The following CCDC68 variants were observed in gnomAD, a reference collection of about 807,000 sequenced individuals.
CCDC68 encodes the protein coiled-coil domain-containing protein 68.
CCDC68 carries 45 observed loss-of-function variants against 47.1 expected under a neutral mutation model. The observed-to-expected ratio is 0.96, with a 90% CI of 0.75 to 1.23. The LOEUF is 1.23. Ranked by LOEUF, CCDC68 falls within the 50% of genes most tolerant of loss-of-function variation. The pLI, the probability that CCDC68 is intolerant of heterozygous loss-of-function variation, is 0.00. For synonymous variants in CCDC68, 131 were observed against 129.5 expected (o/e 1.01, Z -0.08); for missense variants, 353 against 373.6 (o/e 0.94, Z 0.45).
intron 10 of CCDC68, among the ~76,000 whole-genome samples, chr18:54,911,173 G>A (rs1333087706): frequency 1.3e-5 from 2 of 151,996 alleles, no homozygotes; most frequent in African/African-American, 2.4e-5. Flanking sequence ...TCAGCCTCCC[G>A]AGTAGCTAGG....
intron 11 of CCDC68, among the ~76,000 whole-genome samples, chr18:54,906,646 T>C (rs1489242816): frequency 1.3e-5 from 2 of 152,196 alleles, no homozygotes; most frequent in Non-Finnish European, 2.9e-5. Flanking sequence ...CCTTAGAATG[T>C]CACGCTTGCC....
At chr18:54,918,610 T>C (rs1401099891) in intron 9 of CCDC68, among the ~76,000 whole-genome samples, 2 of 152,236 alleles carry the variant, frequency 1.3e-5, no homozygotes, top group Non-Finnish European at 2.9e-5. Flanking sequence ...CTCAATTCTC[T>C]GGCCTTTTAG....
At chr18:54,926,184 C>G (rs982627153) in intron 8 of CCDC68, among the ~76,000 whole-genome samples, 5 of 152,172 alleles carry the variant, frequency 3.3e-5, no homozygotes, top group Admixed American at 3.3e-4. Flanking sequence ...CTGTATTAGT[C>G]TGTTCTCATG....
At position 54,931,580 on chromosome 18, in the gene CCDC68, A is replaced by G. The variant is rs143625824; in HGVS notation, c.601-2698T>C. On this transcript the variant is annotated intron_variant, in intron 7 of 11. Coordinates refer to ENST00000591504, the MANE Select transcript of CCDC68 (RefSeq NM_025214.3). ...TTTCTGGTTCATGCTGTCCTCATTT[A>G]TAAAATGATGATGAGGAACTAGGTG... Among the ~76,000 whole-genome samples, 36 of 152,348 alleles carry G rather than the reference A, an allele frequency of 2.4e-4. No individual in the cohort carries two copies. The South Asian group carries it at 6.0e-3, about 25-fold the overall frequency.
intron 8 of CCDC68, among the ~76,000 whole-genome samples, chr18:54,925,225 G>T (rs1356541509): frequency 2.0e-5 from 3 of 152,086 alleles, no homozygotes; most frequent in Admixed American, 6.5e-5. Flanking sequence ...GCCTAATTTT[G>T]TAAATGTAAC....
chr18:54,928,475 G>A (rs1016250839), intron 8 of CCDC68, among the ~76,000 whole-genome samples: 36 of 152,082 alleles, frequency 2.4e-4, no homozygotes, highest in South Asian at 2.1e-4. Flanking sequence ...TCTCTCAAGC[G>A]TCCTCCTTAG....
chr18:54,954,107 G>C (rs1192413840), intron 1 of CCDC68, among the ~76,000 whole-genome samples: 1 of 149,264 alleles, frequency 6.7e-6, no homozygotes, highest in Non-Finnish European at 1.5e-5. Flanking sequence ...CCAGGGTGGA[G>C]TGCAGTGGCT....
chr18:54,915,242 G>A (rs1435584212), intron 10 of CCDC68, among the ~76,000 whole-genome samples: 2 of 152,208 alleles, frequency 1.3e-5, no homozygotes, highest in Non-Finnish European at 2.9e-5. Context: ...AGAATAAAGA[G>A]GCATTTCAAA....
chr18:54,956,153 G>C (rs11873143), intron 1 of CCDC68, among the ~76,000 whole-genome samples: 49,665 of 151,846 alleles, frequency 0.33, 9,959 homozygotes, highest in African/African-American at 0.57. Flanking sequence ...CCACGCCCAG[G>C]TGATTTTTGT....
intron 8 of CCDC68, among the ~76,000 whole-genome samples, chr18:54,921,509 A>G (rs2044060010): frequency 6.6e-6 from 1 of 152,232 alleles, no homozygotes; most frequent in Non-Finnish European, 1.5e-5. Flanking sequence ...AATGTTTGGG[A>G]GTACAGCCAC....
At chr18:54,940,937 C>G in intron 4 of CCDC68, 60 bp downstream of exon 4, 1 of 1,276,438 alleles carries the variant, frequency 7.8e-7, no homozygotes. Context: ...AGTAATTGCC[C>G]AAAAATTACT....
intron 1 of CCDC68, among the ~76,000 whole-genome samples, chr18:54,953,520 AC>A (rs1244640763): frequency 2.6e-5 from 3 of 114,644 alleles, no homozygotes; most frequent in African/African-American, 8.4e-5. Flanking sequence ...ATACACACAC[AC>A]ACACACACAC....
At position 54,942,801 on chromosome 18, in the gene CCDC68, T is replaced by C; in HGVS notation, c.-10A>G. ...CTGTCACTGTTGTCATTGTGAATTC[T>C]GGCTTTAGGAAAACATAAATCAGCT... On this transcript the variant is annotated splice_region_variant and 5_prime_UTR_variant, in exon 3 of 12. Coordinates refer to ENST00000591504, the MANE Select transcript of CCDC68 (RefSeq NM_025214.3). 6.5e-7 allele frequency: 1 copy of C among 1,530,568 alleles called. No individual in the cohort carries two copies. Among genetic ancestry groups the C allele is most frequent in the Non-Finnish European group, 9.0e-7 (1 of 1,105,290 alleles). 94.8% of individuals were successfully genotyped at this position (1,530,568 alleles called of 1,614,324 possible). A position where few individuals can be genotyped will look rare whatever the true frequency, so the allele number is the denominator to read the frequency against.
At chr18:54,926,366 C>A (rs542865288) in intron 8 of CCDC68, among the ~76,000 whole-genome samples, 2 of 152,262 alleles carry the variant, frequency 1.3e-5, no homozygotes, top group Non-Finnish European at 2.9e-5. Context: ...AGGAGAAGTG[C>A]AAAGCAAAAG....
At chr18:54,938,928 A>G (rs1225614846) in intron 4 of CCDC68, among the ~76,000 whole-genome samples, 4 of 152,244 alleles carry the variant, frequency 2.6e-5, no homozygotes, top group Non-Finnish European at 5.9e-5. Flanking sequence ...TTTTATGTAC[A>G]GTCCTTTGTC....
rs537176569 is a variant in CCDC68 at position 54,922,844 on chromosome 18, C to T, written c.684-3468G>A. Among the ~76,000 whole-genome samples the T allele has an allele frequency of 5.7e-4, 87 of 151,904 alleles. 1 individual carries two copies. Among genetic ancestry groups the T allele is most frequent in the African/African-American group, 1.8e-3 (75 of 41,434 alleles). ...CACTACTAAAAATACAAAAATTAGCCGGGCATGGTGGCATGCGCCTGTAAT... is the reference window on the plus strand; with the variant it reads ...CACTACTAAAAATACAAAAATTAGCTGGGCATGGTGGCATGCGCCTGTAAT... On this transcript the variant is annotated intron_variant, in intron 8 of 11. Transcript: ENST00000591504.
chr18:54,952,062 T>A (rs1429883064), intron 1 of CCDC68, among the ~76,000 whole-genome samples: 1 of 152,252 alleles, frequency 6.6e-6, no homozygotes, highest in African/African-American at 2.4e-5. Flanking sequence ...TCACAACTTA[T>A]TGTGGACATT....
chr18:54,956,750 G>C (rs188990603), intron 1 of CCDC68, among the ~76,000 whole-genome samples: 1 of 152,206 alleles, frequency 6.6e-6, no homozygotes, highest in Non-Finnish European at 1.5e-5. Context: ...GCTGGGGCTG[G>C]GGTAAGAACG....
intron 7 of CCDC68, among the ~76,000 whole-genome samples, chr18:54,931,963 G>A (rs1430876284): frequency 2.0e-5 from 3 of 152,070 alleles, no homozygotes; most frequent in African/African-American, 7.2e-5. Context: ...GAGGATGTTT[G>A]TTTTTAAGTT....
Sources: allele counts gnomAD v4.1 joint callset (sites outside exome capture counted in the v4.1 genomes callset), GRCh38; gene constraint gnomAD v4.1.1; transcripts MANE v1.5; gene names NCBI Gene and HGNC (gene_info 2026-07-23, HGNC 2026-07-21).